KDM4C: variants seen among roughly 807,000 people sequenced by gnomAD.
KDM4C encodes the protein lysine demethylase 4C, also known as lysine-specific demethylase 4C.
Under a neutral mutation model 129.3 loss-of-function variants are expected in KDM4C, and 81 were observed. The ratio of observed to expected loss-of-function variants is 0.63; its 90% confidence interval spans 0.52 to 0.75. The LOEUF is 0.75. Ranked by LOEUF, KDM4C falls within the 30% of genes least tolerant of loss-of-function variation. KDM4C has a pLI of 0.00. For synonymous variants in KDM4C, 573 were observed against 456.1 expected, an observed-to-expected ratio of 1.26 and a Z score of -3.26; for missense variants, 1,457 against 1,304.0, an observed-to-expected ratio of 1.12 and a Z score of -1.81.
At chr9:7,062,610 C>G (rs1197719371) in intron 17 of KDM4C, among the ~76,000 whole-genome samples, 3 of 151,702 alleles carry the variant, frequency 2.0e-5, no homozygotes, top group Non-Finnish European at 2.9e-5. Context: ...TCTCAAACTC[C>G]TGGGCTGAAG....
chr9:6,881,283 G>T (rs1274768210), intron 6 of KDM4C, among the ~76,000 whole-genome samples: 2 of 152,134 alleles, frequency 1.3e-5, no homozygotes, highest in African/African-American at 4.8e-5. Flanking sequence ...TTATAATTTT[G>T]TCAGGCTAAT....
At chr9:6,919,976 T>C (rs1169704086) in intron 8 of KDM4C, among the ~76,000 whole-genome samples, 3 of 152,234 alleles carry the variant, frequency 2.0e-5, no homozygotes, top group Non-Finnish European at 4.4e-5. Flanking sequence ...ATTGTGGAAT[T>C]GCCTGACAAG....
chr9:6,766,930 G>GT (rs1820745868), intron 1 of KDM4C, among the ~76,000 whole-genome samples: 1 of 152,020 alleles, frequency 6.6e-6, no homozygotes, highest in Non-Finnish European at 1.5e-5. Context: ...CTTTGCATTT[G>GT]TTTTTTGTAC....
intron 8 of KDM4C, among the ~76,000 whole-genome samples, chr9:6,918,905 G>A (rs902935750): frequency 1.3e-5 from 2 of 151,846 alleles, no homozygotes; most frequent in African/African-American, 4.8e-5. Context: ...AGACTGGAGC[G>A]CAGTGGCACA....
At position 7,104,028 on chromosome 9, in the gene KDM4C, A is replaced by G. The variant is rs1287436792; in HGVS notation, c.2610+158A>G. The G allele has an allele frequency of 6.2e-6, 4 of 644,082 alleles. No individual in the cohort carries two copies. The African/African-American group carries it at 7.3e-5, about 12-fold the overall frequency. 39.9% of individuals were successfully genotyped at this position (644,082 alleles called of 1,614,324 possible). On this transcript the variant is annotated intron_variant, in intron 18 of 21. Transcript: ENST00000381309. ...TTGAGGGCAGGGATTGCGCACTGTT[A>G]TTTCCTGGTATTTGCCTAGGACCTG... is the stretch of plus-strand genomic sequence containing the variant.
chr9:6,764,367 G>C (rs1820198019), intron 1 of KDM4C, among the ~76,000 whole-genome samples: 5 of 152,112 alleles, frequency 3.3e-5, no homozygotes, highest in South Asian at 2.1e-4. Context: ...GTCCTAATTG[G>C]TTCATTTATA....
At chr9:6,745,828 A>G (rs573209897) in intron 1 of KDM4C, among the ~76,000 whole-genome samples, 5 of 144,730 alleles carry the variant, frequency 3.5e-5, no homozygotes, top group Non-Finnish European at 7.5e-5. Context: ...TTATTTTTTG[A>G]GGTGGAGTTT....
At chr9:7,170,629 A>G (rs1844863021) in intron 21 of KDM4C, 1 of 958,312 alleles carries the variant, frequency 1.0e-6, no homozygotes. Flanking sequence ...ATTTAGAATT[A>G]TATCTATTGT....
At position 6,984,250 on chromosome 9, in the gene KDM4C, C is replaced by A; in HGVS notation, c.1200C>A (p.Val400=). Residue 400 remains valine, a synonymous_variant, in exon 10 of 22, where the codon GTC becomes GTA. Coordinates refer to ENST00000381309, the MANE Select transcript of KDM4C (RefSeq NM_015061.6). The part of the protein sequence containing the change: ...EVSDEVDGAE[V]PNPDSVTDDL... The stretch of plus-strand genomic sequence containing the variant: ...CAGATGAAGTCGATGGGGCAGAGGT[C>A]CCTAACCCCGACTCAGTCACAGATG... 6.2e-7 allele frequency: 1 copy of A among 1,613,950 alleles called. No individual in the cohort carries two copies.
chr9:7,081,817 G>A (rs1315093206), intron 17 of KDM4C, among the ~76,000 whole-genome samples: 1 of 152,170 alleles, frequency 6.6e-6, no homozygotes, highest in Non-Finnish European at 1.5e-5. Context: ...AATGGTAGAA[G>A]ATAGACCAGG....
At chr9:6,860,109 G>A (rs984561474) in intron 5 of KDM4C, among the ~76,000 whole-genome samples, 1 of 152,066 alleles carries the variant, frequency 6.6e-6, no homozygotes, top group South Asian at 2.1e-4. Flanking sequence ...CCTCATTTTG[G>A]GGGGCCAGAC....
intron 20 of KDM4C, among the ~76,000 whole-genome samples, chr9:7,168,167 A>T (rs1361566344): frequency 6.6e-6 from 1 of 152,216 alleles, no homozygotes; most frequent in Non-Finnish European, 1.5e-5. Context: ...CAGCCTAGGC[A>T]ACAAGAGCGA....
intron 1 of KDM4C, among the ~76,000 whole-genome samples, chr9:6,745,592 AAAAAAAT>A (rs1286918270): frequency 6.6e-5 from 10 of 152,146 alleles, no homozygotes; most frequent in African/African-American, 2.4e-4. Context: ...AAAAAAAAAA[AAAAAAAT>A]GCCATACTAT....
chr9:6,990,139 T>C (rs1818463648), intron 11 of KDM4C, among the ~76,000 whole-genome samples: 1 of 152,162 alleles, frequency 6.6e-6, no homozygotes, highest in South Asian at 2.1e-4. Context: ...GCTGAGCTTA[T>C]TGCAGGTTTA....
intron 1 of KDM4C, among the ~76,000 whole-genome samples, chr9:6,731,979 A>G (rs1022231980): frequency 6.6e-6 from 1 of 152,118 alleles, no homozygotes; most frequent in Admixed American, 6.6e-5. Context: ...GGAGACTATT[A>G]TCATCACTAT....
chr9:7,020,603 A>G (rs924308842), intron 15 of KDM4C, among the ~76,000 whole-genome samples: 1 of 152,230 alleles, frequency 6.6e-6, no homozygotes, highest in Non-Finnish European at 1.5e-5. Context: ...TACTCTTGAT[A>G]TTAGTATCTG....
intron 18 of KDM4C, among the ~76,000 whole-genome samples, chr9:7,109,232 C>T (rs1286822562): frequency 6.6e-6 from 1 of 152,176 alleles, no homozygotes. Context: ...ACTTGGGTCT[C>T]ATTCAGGAAA....
At chr9:6,818,292 T>G (rs575912293) in intron 4 of KDM4C, among the ~76,000 whole-genome samples, 1 of 152,320 alleles carries the variant, frequency 6.6e-6, no homozygotes, top group South Asian at 2.1e-4. Flanking sequence ...AATCGTACCT[T>G]GTATTACATG....
intron 2 of KDM4C, among the ~76,000 whole-genome samples, chr9:6,799,869 T>G (rs1042816010): frequency 2.0e-4 from 30 of 151,888 alleles, no homozygotes; most frequent in African/African-American, 7.3e-4. Context: ...TTATTCATAT[T>G]CATATGAATG....
Sources: allele counts gnomAD v4.1 joint callset (sites outside exome capture counted in the v4.1 genomes callset), GRCh38; gene constraint gnomAD v4.1.1; transcripts MANE v1.5; gene names NCBI Gene and HGNC (gene_info 2026-07-23, HGNC 2026-07-21).